The following FAT3 variants were observed in gnomAD, a reference collection of about 807,000 sequenced individuals.
The protein encoded by FAT3 is protocadherin Fat 3.
A neutral mutation model predicts 310.2 loss-of-function variants in FAT3; 95 were observed. The observed-to-expected ratio is 0.31, with a 90% CI of 0.26 to 0.36. The LOEUF is 0.36. Ranked by LOEUF, FAT3 falls within the 10% of genes least tolerant of loss-of-function variation. The pLI is 1.00. For missense variants in FAT3, 5,408 were observed against 5,715.6 expected (o/e 0.95, Z 1.74); for synonymous variants, 2,314 against 2,192.9 (o/e 1.06, Z -1.54).
chr11:92,274,801 CCTT>C (rs981612942), intron 1 of FAT3, among the ~76,000 whole-genome samples: 3 of 152,022 alleles, frequency 2.0e-5, no homozygotes, highest in Admixed American at 6.6e-5. Flanking sequence ...GAACTCTTGA[CCTT>C]CTCTATGAGT....
intron 1 of FAT3, among the ~76,000 whole-genome samples, chr11:92,343,587 A>G (rs1172207372): frequency 6.6e-6 from 1 of 152,220 alleles, no homozygotes; most frequent in Non-Finnish European, 1.5e-5. Flanking sequence ...CCTTGAGAAG[A>G]TTCTTCTCTT....
chr11:92,420,488 A>G (rs776326410), intron 2 of FAT3, among the ~76,000 whole-genome samples: 9 of 152,156 alleles, frequency 5.9e-5, no homozygotes, highest in Non-Finnish European at 1.0e-4. Context: ...TCAACTTAGT[A>G]TCGAGTGGGA....
chr11:92,314,379 C>G, intron 1 of FAT3: 2 of 709,542 alleles, frequency 2.8e-6, no homozygotes. Flanking sequence ...TGAAGCCCCT[C>G]ATTGCATGAA....
intron 2 of FAT3, chr11:92,366,919 C>G: frequency 1.9e-6 from 1 of 532,226 alleles, no homozygotes; most frequent in Non-Finnish European, 3.7e-6. Flanking sequence ...AGATCTTTAC[C>G]TGGGCCTCGC....
At chr11:92,672,480 T>C (rs1001812953) in intron 3 of FAT3, among the ~76,000 whole-genome samples, 2 of 152,186 alleles carry the variant, frequency 1.3e-5, no homozygotes, top group Non-Finnish European at 2.9e-5. Context: ...TCTCTTAGAA[T>C]GGAAAGTCTC....
intron 1 of FAT3, among the ~76,000 whole-genome samples, chr11:92,236,483 C>T (rs1864426395): frequency 6.6e-6 from 1 of 151,962 alleles, no homozygotes. Flanking sequence ...TGGGAATGTC[C>T]TACTACAAAA....
At chr11:92,549,006 A>T (rs1316436246) in intron 3 of FAT3, among the ~76,000 whole-genome samples, 2 of 152,316 alleles carry the variant, frequency 1.3e-5, no homozygotes, top group African/African-American at 4.8e-5. Context: ...TTAAAAGCAG[A>T]AAACCTGGCT....
At chr11:92,495,901 C>T (rs1647141111) in intron 2 of FAT3, among the ~76,000 whole-genome samples, 1 of 151,986 alleles carries the variant, frequency 6.6e-6, no homozygotes, top group South Asian at 2.1e-4. Context: ...CTATTTGAAC[C>T]CAAATCAGCT....
rs574880673 is a variant in FAT3, at chr11:92,554,234, G to A, written c.3607+29286G>A. 6.1e-5 allele frequency among the ~76,000 whole-genome samples: 9 copies of A among 147,140 alleles called. No homozygotes were observed. The South Asian group carries it at 8.7e-4, about 14-fold the overall frequency. On this transcript the variant is annotated intron_variant, in intron 3 of 27. Transcript: ENST00000525166. ...TCCCAGCACTGTGGGAGGCCGAGGC[G>A]GGCAGATCACAAAGTCAGGAGATCC...
intron 4 of FAT3, among the ~76,000 whole-genome samples, chr11:92,714,210 T>A (rs1227735661): frequency 6.6e-6 from 1 of 152,206 alleles, no homozygotes; most frequent in East Asian, 1.9e-4. Context: ...TTGCTCCGAA[T>A]TCACTTAGCA....
chr11:92,886,383 C>G (rs1445596131), intron 24 of FAT3, among the ~76,000 whole-genome samples: 1 of 151,736 alleles, frequency 6.6e-6, no homozygotes, highest in Non-Finnish European at 1.5e-5. Flanking sequence ...TTCTGACTGT[C>G]TTTGTACGGT....
At chr11:92,582,767 G>A (rs1341510357) in intron 3 of FAT3, among the ~76,000 whole-genome samples, 5 of 151,998 alleles carry the variant, frequency 3.3e-5, no homozygotes, top group Non-Finnish European at 7.4e-5. Flanking sequence ...GAATTACATG[G>A]CCTCTGGGTC....
At chr11:92,281,095 A>G (rs1946407484) in intron 1 of FAT3, among the ~76,000 whole-genome samples, 1 of 152,188 alleles carries the variant, frequency 6.6e-6, no homozygotes, top group African/African-American at 2.4e-5. Context: ...CTACTGTGCA[A>G]TATTACATAG....
At chr11:92,818,503 C>T (rs1316235988) in intron 13 of FAT3, among the ~76,000 whole-genome samples, 3 of 134,074 alleles carry the variant, frequency 2.2e-5, no homozygotes, top group Non-Finnish European at 5.0e-5. Flanking sequence ...ACAGCTTCCT[C>T]GCAGCCTCAT....
chr11:92,889,293 C>A (rs575727788), intron 26 of FAT3, 45 bp downstream of exon 26: 51 of 677,072 alleles, frequency 7.5e-5, no homozygotes, highest in Non-Finnish European at 1.4e-4. Context: ...AATTTTGCTT[C>A]CTTGTTACTT....
chr11:92,531,375 C>T (rs113884953), intron 3 of FAT3, among the ~76,000 whole-genome samples: 2 of 152,190 alleles, frequency 1.3e-5, no homozygotes, highest in African/African-American at 4.8e-5. Context: ...TGCAGTTCCC[C>T]ACTTGATCAG....
intron 2 of FAT3, among the ~76,000 whole-genome samples, chr11:92,411,744 A>T (rs1465855023): frequency 6.6e-6 from 1 of 151,718 alleles, no homozygotes; most frequent in Admixed American, 6.6e-5. Flanking sequence ...TTACAATGAA[A>T]GATTTATTTT....
At chr11:92,618,268 A>G (rs1940914791) in intron 3 of FAT3, among the ~76,000 whole-genome samples, 1 of 151,996 alleles carries the variant, frequency 6.6e-6, no homozygotes, top group Non-Finnish European at 1.5e-5. Flanking sequence ...TGGGTGTAGA[A>G]CCCTCTGAGC....
At chr11:92,564,228 G>T (rs1470365487) in intron 3 of FAT3, among the ~76,000 whole-genome samples, 1 of 151,886 alleles carries the variant, frequency 6.6e-6, no homozygotes, top group Non-Finnish European at 1.5e-5. Context: ...AAAGGCAGGG[G>T]TTGCAATCCT....
Sources: allele counts gnomAD v4.1 joint callset (sites outside exome capture counted in the v4.1 genomes callset), GRCh38; gene constraint gnomAD v4.1.1; transcripts MANE v1.5; gene names NCBI Gene and HGNC (gene_info 2026-07-23, HGNC 2026-07-21).